FNDC11: variants seen among roughly 807,000 people sequenced by gnomAD.
FNDC11 encodes the protein fibronectin type III domain containing 11, also known as fibronectin type III domain-containing protein 11.
In FNDC11, 15 loss-of-function variants were observed where a neutral mutation model predicts 15.8. That is an observed-to-expected ratio of 0.95 (90% CI 0.63 to 1.46). The LOEUF (loss-of-function observed/expected upper bound fraction) is 1.46, where lower values mean the gene tolerates loss of function less well. Among genes scored for constraint, FNDC11 ranks in the 40% most tolerant of loss-of-function variants. The probability of loss-of-function intolerance (pLI) is 0.00; values close to 1 mark genes in which losing one functional copy is unlikely to be tolerated. For synonymous variants in FNDC11, 190 were observed against 203.1 expected (o/e 0.94, Z 0.55); for missense variants, 416 against 443.4 (o/e 0.94, Z 0.55).
Position 63,555,786 on chromosome 20 carries a change from C to T in FNDC11, c.123C>T (p.Tyr41=), listed in dbSNP as rs1379696514. 1 of 1,613,546 alleles carries T rather than the reference C, an allele frequency of 6.2e-7. No individual in the cohort carries two copies. Among genetic ancestry groups the T allele is most frequent in the Admixed American group, 1.7e-5 (1 of 60,034 alleles). The change falls in exon 2 of 2, where the codon TAC becomes TAT. Residue 41 remains tyrosine (Y), a synonymous_variant. Coordinates refer to ENST00000370097, the MANE Select transcript of FNDC11 (RefSeq NM_001319152.2). ...QLLEPEAWKT[Y]TERRNALREF... ...TGGAACCAGAGGCGTGGAAGACCTA[C>T]ACCGAGCGCCGCAATGCCCTGCGTG...
At position 63,556,126 on chromosome 20, in the gene FNDC11, G is replaced by C; in HGVS notation, c.463G>C (p.Asp155His). The C allele has an allele frequency of 1.9e-6, 3 of 1,594,876 alleles. No homozygotes were observed. Among genetic ancestry groups the C allele is most frequent in the Non-Finnish European group, 2.6e-6 (3 of 1,173,486 alleles). ...GCCAGACCCACGGCCCTTCCTGGCC[G>C]ACTGGGCGCTGGTGGAGCGGCGGCT... ...RSPDPRPFLA[D>H]WALVERRLAD... Residue 155 changes from aspartate to histidine, a missense_variant, in exon 2 of 2, where the codon GAC becomes CAC. Coordinates refer to ENST00000370097, the MANE Select transcript of FNDC11 (RefSeq NM_001319152.2).
upstream of FNDC11, chr20:63,553,650 G>C (rs2082779806): frequency 7.2e-6 from 1 of 138,778 alleles, no homozygotes; most frequent in African/African-American, 3.9e-5. Context: ...CCTGCGGTGG[G>C]GGGAGCCTGC....
rs148340283 is a variant in FNDC11 at position 63,555,773 on chromosome 20, C to T, written c.110C>T (p.Ala37Val). The T allele has an allele frequency of 2.3e-4, 377 of 1,613,500 alleles. No individual in the cohort carries two copies. Among genetic ancestry groups the T allele is most frequent in the Admixed American group, 1.3e-3 (79 of 60,028 alleles). Residue 37 changes from alanine (A) to valine (V), a missense_variant, in exon 2 of 2, where the codon GCG (alanine) becomes GTG (valine). By Grantham distance (64) the Ala-to-Val change is moderately conservative (BLOSUM62 0). Coordinates refer to ENST00000370097, the MANE Select transcript of FNDC11 (RefSeq NM_001319152.2). ...ADDQQLLEPE[A>V]WKTYTERRNA... is the part of the protein sequence containing the mutation. The stretch of plus-strand genomic sequence containing the variant: ...GACCAGCAGCTGCTGGAACCAGAGG[C>T]GTGGAAGACCTACACCGAGCGCCGC...
At position 63,556,375 on chromosome 20, in the gene FNDC11, G is replaced by C. The variant is rs927449253; in HGVS notation, c.712G>C (p.Glu238Gln). Reference protein sequence around the residue: ...WFVTIQPATSEQYELRFRLLD... With the variant: ...WFVTIQPATSQQYELRFRLLD... ...CGTCACCATCCAGCCAGCCACATCGGAGCAGTATGAGTTGCGCTTCAGGCT... is the reference window on the plus strand; with the variant it reads ...CGTCACCATCCAGCCAGCCACATCGCAGCAGTATGAGTTGCGCTTCAGGCT... Residue 238 changes from glutamate to glutamine, a missense_variant, in exon 2 of 2, where the codon GAG (glutamate) becomes CAG (glutamine). Glu to Gln is a conservative substitution (Grantham distance 29). Transcript: ENST00000370097. 1.1e-5 allele frequency: 17 copies of C among 1,612,492 alleles called. No homozygotes were observed. Among genetic ancestry groups the C allele is most frequent in the Non-Finnish European group, 1.4e-5 (16 of 1,180,016 alleles).
chr20:63,555,562 A>G lies in FNDC11; in HGVS notation c.-10-92A>G, dbSNP rs1344374015. 6.2e-6 allele frequency: 9 copies of G among 1,458,696 alleles called. No homozygotes were observed. The East Asian group carries it at 9.9e-5, about 16-fold the overall frequency. The allele number at this position is 1,458,696 out of a possible 1,614,324, so 90.4% of individuals were successfully genotyped here. A position where few individuals can be genotyped will look rare whatever the true frequency, so the allele number is the denominator to read the frequency against. On this transcript the variant is annotated intron_variant, in intron 1 of 1. Coordinates refer to ENST00000370097, the MANE Select transcript of FNDC11 (RefSeq NM_001319152.2). ...CCCCGAAGAAGGACAGAGGTCCAGC[A>G]TGGGGTCAGTGGGCTGAATCCATCC...
rs2082800804 is a variant in FNDC11 at position 63,555,675 on chromosome 20, T to C, written c.12T>C (p.His4=). Reference sequence around the variant, plus strand: ...CCAGCTCCCGGATAATGAGCACCCATGTGGCAGGCCTGGGCCTGGACAAGA... The same window carrying C: ...CCAGCTCCCGGATAATGAGCACCCACGTGGCAGGCCTGGGCCTGGACAAGA... MST[H]VAGLGLDKMK... Residue 4 remains histidine (H), a synonymous_variant, in exon 2 of 2, where the codon CAT becomes CAC. Coordinates refer to ENST00000370097, the MANE Select transcript of FNDC11 (RefSeq NM_001319152.2). 1 of 1,605,480 alleles carries C rather than the reference T, an allele frequency of 6.2e-7. No homozygotes were observed. The highest frequency in any genetic ancestry group is 8.5e-7 in the Non-Finnish European group (1 of 1,174,922).
In FNDC11 at chr20:63,556,235, A is replaced by T; in HGVS notation, c.572A>T (p.Asp191Val). ...RLHVKHRLVS[D>V]VSATKIPHIW... ...CACGTCAAGCACCGCCTGGTGTCTG[A>T]TGTCAGTGCCACCAAGATCCCGCAC... The change falls in exon 2 of 2, where the codon GAT becomes GTT. Residue 191 changes from aspartate to valine, a missense_variant. By Grantham distance (152) the Asp-to-Val change is radical (BLOSUM62 -3). Coordinates refer to ENST00000370097, the MANE Select transcript of FNDC11 (RefSeq NM_001319152.2). 1.3e-6 allele frequency: 2 copies of T among 1,593,816 alleles called. No individual in the cohort carries two copies. The highest frequency in any genetic ancestry group is 1.3e-5 in the African/African-American group (1 of 74,750).
Position 63,556,131 on chromosome 20 carries a change from G to C in FNDC11, c.468G>C (p.Trp156Cys). 1.3e-6 allele frequency: 2 copies of C among 1,595,574 alleles called. No individual in the cohort carries two copies. Among genetic ancestry groups the C allele is most frequent in the Non-Finnish European group, 8.5e-7 (1 of 1,173,556 alleles). The change falls in exon 2 of 2, where the codon TGG becomes TGC. Residue 156 changes from tryptophan to cysteine, a missense_variant. Coordinates refer to ENST00000370097, the MANE Select transcript of FNDC11 (RefSeq NM_001319152.2). ...ACCCACGGCCCTTCCTGGCCGACTG[G>C]GCGCTGGTGGAGCGGCGGCTGGCGG... ...SPDPRPFLAD[W>C]ALVERRLADV... is the part of the protein sequence containing the mutation.
chr20:63,553,112 G>C (rs2082773487), upstream of FNDC11: 1 of 152,288 alleles, frequency 6.6e-6, no homozygotes, highest in South Asian at 2.1e-4. Flanking sequence ...GTGAAGGAGG[G>C]GCACCTTGGG....
intron 1 of FNDC11, chr20:63,554,764 A>G (rs897375163): frequency 6.6e-6 from 1 of 152,286 alleles, no homozygotes; most frequent in Non-Finnish European, 1.5e-5. Context: ...GAACTCAGCA[A>G]CTGCTTAGCT....
upstream of FNDC11, among the ~76,000 whole-genome samples, chr20:63,553,289 C>G (rs1569021571): frequency 6.6e-6 from 1 of 152,172 alleles, no homozygotes; most frequent in East Asian, 1.9e-4. Context: ...CCCATTTATC[C>G]AGAGTCAGGT....
rs772261704 is a variant in FNDC11, at chr20:63,556,215, C to T, written c.552C>T (p.Val184=). ...TGATGGTGCCGGGGCGGCTACACGT[C>T]AAGCACCGCCTGGTGTCTGATGTCA... ...LTMMVPGRLH[V]KHRLVSDVSA... is the part of the protein sequence containing the mutation. The change falls in exon 2 of 2, where the codon GTC becomes GTT. Residue 184 remains valine, a synonymous_variant. Coordinates refer to ENST00000370097, the MANE Select transcript of FNDC11 (RefSeq NM_001319152.2). The T allele has an allele frequency of 3.5e-5, 56 of 1,594,774 alleles. No homozygotes were observed. In the East Asian group the frequency reaches 1.2e-3, roughly 35 times the overall value.
At chr20:63,555,020 G>C (rs912128727) in intron 1 of FNDC11, 1 of 152,438 alleles carries the variant, frequency 6.6e-6, no homozygotes, top group African/African-American at 2.4e-5. Flanking sequence ...TCTGGGAAAT[G>C]GAGTGTCACT....
chr20:63,555,802 G>A lies in FNDC11; in HGVS notation c.139G>A (p.Ala47Thr). 1 of 1,613,546 alleles carries A rather than the reference G, an allele frequency of 6.2e-7. No homozygotes were observed. Among genetic ancestry groups the A allele is most frequent in the South Asian group, 1.1e-5 (1 of 91,092 alleles). Residue 47 changes from alanine (A) to threonine (T), a missense_variant, in exon 2 of 2, where the codon GCC (alanine) becomes ACC (threonine). Transcript: ENST00000370097. Reference sequence around the variant, plus strand: ...GAAGACCTACACCGAGCGCCGCAATGCCCTGCGTGAGTTCCTGACCTCGGA... The same window carrying A: ...GAAGACCTACACCGAGCGCCGCAATACCCTGCGTGAGTTCCTGACCTCGGA... ...AWKTYTERRN[A>T]LREFLTSDLS... is the part of the protein sequence containing the mutation.
chr20:63,556,129 T>C lies in FNDC11; in HGVS notation c.466T>C (p.Trp156Arg), dbSNP rs2082809383. Residue 156 changes from tryptophan (W) to arginine (R), a missense_variant, in exon 2 of 2, where the codon TGG becomes CGG. Physicochemically the swap from Trp to Arg is moderately radical, Grantham distance 101 (BLOSUM62 -3). Coordinates refer to ENST00000370097, the MANE Select transcript of FNDC11 (RefSeq NM_001319152.2). ...AGACCCACGGCCCTTCCTGGCCGAC[T>C]GGGCGCTGGTGGAGCGGCGGCTGGC... The part of the protein sequence containing the change: ...SPDPRPFLAD[W>R]ALVERRLADV... 2 of 1,595,020 alleles carry C rather than the reference T, an allele frequency of 1.3e-6. No individual in the cohort carries two copies. Among genetic ancestry groups the C allele is most frequent in the East Asian group, 2.2e-5 (1 of 44,622 alleles).
At chr20:63,553,317 C>T (rs2082774558), upstream of FNDC11, among the ~76,000 whole-genome samples, 1 of 151,968 alleles carries the variant, frequency 6.6e-6, no homozygotes, top group Non-Finnish European at 1.5e-5. Context: ...TGAGCTTGGG[C>T]AGCCCCAGGT....
Position 63,556,654 on chromosome 20 carries a change from G to A in FNDC11, c.*34G>A, listed in dbSNP as rs1327059276. The A allele has an allele frequency of 1.9e-6, 3 of 1,566,082 alleles. No individual in the cohort carries two copies. In the East Asian group the frequency reaches 6.8e-5, roughly 35 times the overall value. On this transcript the variant is annotated 3_prime_UTR_variant, in exon 2 of 2. Transcript: ENST00000370097. The stretch of plus-strand genomic sequence containing the variant: ...TTTCTAATATTTATCCACTAATAAA[G>A]AAGAGTGTAAATGCACATATGGAAT...
rs1241489880 is a variant in FNDC11 at position 63,556,440 on chromosome 20, C to T, written c.777C>T (p.Gly259=). The T allele has an allele frequency of 1.2e-6, 2 of 1,613,264 alleles. No homozygotes were observed. Among genetic ancestry groups the T allele is most frequent in the African/African-American group, 1.3e-5 (1 of 74,932 alleles). ...PRTQQECAQC[G]VIPVAACTFD... is the part of the protein sequence containing the mutation. ...CACAGCAGGAGTGCGCCCAGTGTGG[C>T]GTCATCCCCGTGGCTGCCTGCACCT... Residue 259 remains glycine, a synonymous_variant, in exon 2 of 2, where the codon GGC becomes GGT. Transcript: ENST00000370097.
At chr20:63,556,696 T>C (rs1193685574), downstream of FNDC11, 173 of 1,384,658 alleles carry the variant, frequency 1.2e-4, no homozygotes, top group Non-Finnish European at 1.7e-4. Context: ...AGCAAACCTA[T>C]TTATGTTTTA....
Sources: gnomAD v4.1 joint callset for allele counts (sites outside exome capture counted in the v4.1 genomes callset) on GRCh38, gnomAD v4.1.1 for gene constraint, MANE v1.5 for transcripts, NCBI Gene and HGNC (gene_info 2026-07-23, HGNC 2026-07-21) for gene names.